WDR93: variants seen among roughly 807,000 people sequenced by gnomAD.
The protein encoded by WDR93 is WD repeat-containing protein 93.
A neutral mutation model predicts 82.9 loss-of-function variants in WDR93; 73 were observed. The ratio of observed to expected loss-of-function variants is 0.88; its 90% CI spans 0.73 to 1.07. The LOEUF is 1.07. Ranked by LOEUF, WDR93 falls within the 50% of genes least tolerant of loss-of-function variation. The probability of loss-of-function intolerance (pLI) is 0.00; values close to 1 mark genes in which losing one functional copy is unlikely to be tolerated. For synonymous variants in WDR93, 283 were observed against 300.1 expected (o/e 0.94, Z 0.59); for missense variants, 738 against 826.0 (o/e 0.89, Z 1.31).
chr15:89,703,311 C>A (rs1965564911), intron 3 of WDR93, 169 bp downstream of exon 3: 2 of 700,358 alleles, frequency 2.9e-6, no homozygotes, highest in African/African-American at 1.8e-5. Flanking sequence ...TACTGTTCTA[C>A]CATTTCACAT....
rs375335326 is a variant in WDR93, at chr15:89,729,692, G to A, written c.1133G>A (p.Cys378Tyr). The A allele has an allele frequency of 1.5e-5, 24 of 1,612,390 alleles. No homozygotes were observed. Among genetic ancestry groups the A allele is most frequent in the Non-Finnish European group, 1.9e-5 (22 of 1,179,750 alleles). The change falls in exon 11 of 17, where the codon TGT becomes TAT. Residue 378 changes from cysteine to tyrosine, a missense_variant. Coordinates refer to ENST00000268130, the MANE Select transcript of WDR93 (RefSeq NM_020212.2). ...PEVKGPSGMA[C>Y]VLGIHWTRSH... ...CCCGCCCCCCCACCAGGAATGGCCTGTGTCCTTGGTATACACTGGACCAGA... is the reference window on the plus strand; with the variant it reads ...CCCGCCCCCCCACCAGGAATGGCCTATGTCCTTGGTATACACTGGACCAGA...
Position 89,701,787 on chromosome 15 carries a change from AC to A in WDR93, c.45del (p.Ile16LeufsTer44), listed in dbSNP as rs1414962907. 6.2e-7 allele frequency: 1 copy of A among 1,613,266 alleles called. No homozygotes were observed. Among genetic ancestry groups the A allele is most frequent in the African/African-American group, 1.3e-5 (1 of 74,968 alleles). On this transcript the variant is annotated frameshift_variant, in exon 2 of 17. Transcript: ENST00000268130. LOFTEE classifies it high-confidence loss of function. ...PRGSQTQKIK[H>X]PIGTRKGPLE... ...GGAAGTCAGACCCAGAAAATAAAGC[AC>A]CCCATTGGTACACGAAAGGGACCAT... is the stretch of plus-strand genomic sequence containing the variant.
chr15:89,727,200 G>A lies in WDR93; in HGVS notation c.924G>A (p.Lys308=). Residue 308 remains lysine, a synonymous_variant, in exon 9 of 17, where the codon AAG becomes AAA. Coordinates refer to ENST00000268130, the MANE Select transcript of WDR93 (RefSeq NM_020212.2). ...KSPLEVFAKI[K]DCYGLGSGQN... ...CCCTGGAAGTCTTTGCAAAGATCAA[G>A]GACTGCTACGGACTGGGCTCCGGGC... The A allele has an allele frequency of 6.2e-7, 1 of 1,614,120 alleles. No individual in the cohort carries two copies. The highest frequency in any genetic ancestry group is 8.5e-7 in the Non-Finnish European group (1 of 1,179,986).
At chr15:89,703,496 C>CTGGA (rs1965573970) in intron 3 of WDR93, 2 of 276,328 alleles carry the variant, frequency 7.2e-6, no homozygotes, top group African/African-American at 2.2e-5. Context: ...CAGCACTCAG[C>CTGGA]AGTCCTCTCA....
At chr15:89,712,396 CTTTTTTTTTTT>C (rs1170109589) in intron 5 of WDR93, among the ~76,000 whole-genome samples, 4 of 80,534 alleles carry the variant, frequency 5.0e-5, no homozygotes, top group South Asian at 1.0e-3. Context: ...TTCCACTAAT[CTTTTTTTTTTT>C]TTTTTTTTTT....
chr15:89,726,070 G>T (rs1301321406), intron 8 of WDR93, among the ~76,000 whole-genome samples: 1 of 152,194 alleles, frequency 6.6e-6, no homozygotes, highest in African/African-American at 2.4e-5. Flanking sequence ...TTTAGTAAGT[G>T]AAAATACAAG....
intron 6 of WDR93, among the ~76,000 whole-genome samples, chr15:89,715,738 C>A (rs1966219194): frequency 6.6e-6 from 1 of 152,102 alleles, no homozygotes. Context: ...TGCACGCTGC[C>A]ATGCCAGGCT....
intron 4 of WDR93, among the ~76,000 whole-genome samples, chr15:89,710,641 T>A (rs1187239257): frequency 6.6e-6 from 1 of 152,192 alleles, no homozygotes. Context: ...CGCAACTCAT[T>A]TTATGAGACC....
chr15:89,725,408 T>C (rs1271019493), intron 8 of WDR93, among the ~76,000 whole-genome samples: 1 of 152,054 alleles, frequency 6.6e-6, no homozygotes, highest in Non-Finnish European at 1.5e-5. Context: ...AGGACGCATG[T>C]TTAGGTGATA....
chr15:89,724,644 G>A (rs1966659645), intron 8 of WDR93, among the ~76,000 whole-genome samples: 1 of 152,140 alleles, frequency 6.6e-6, no homozygotes, highest in Non-Finnish European at 1.5e-5. Context: ...TACAAAACAT[G>A]CAAGAGTATT....
At chr15:89,712,001 C>G (rs2141627274) in intron 4 of WDR93, 25 bp from the exon 5 acceptor site, 1 of 1,595,246 alleles carries the variant, frequency 6.3e-7, no homozygotes, top group East Asian at 2.2e-5. Context: ...TATGCCTACT[C>G]TATCAACATC....
intron 7 of WDR93, among the ~76,000 whole-genome samples, chr15:89,717,414 A>G (rs1426236072): frequency 1.3e-5 from 2 of 152,134 alleles, no homozygotes; most frequent in Non-Finnish European, 2.9e-5. Context: ...TGCTAATGAA[A>G]TGTTCCACCT....
intron 7 of WDR93, among the ~76,000 whole-genome samples, chr15:89,719,988 C>CG (rs1355105265): frequency 6.6e-6 from 1 of 151,436 alleles, no homozygotes; most frequent in Non-Finnish European, 1.5e-5. Context: ...TTAGTAGAGA[C>CG]GGGGTCTCAC....
intron 1 of WDR93, 146 bp downstream of exon 1, chr15:89,691,003 C>G (rs1454276762): frequency 1.1e-5 from 2 of 189,316 alleles, no homozygotes; most frequent in South Asian, 1.2e-4. Context: ...CGCCTCCCCG[C>G]AGATCTCAGG....
intron 13 of WDR93, among the ~76,000 whole-genome samples, chr15:89,733,916 T>C (rs1966947300): frequency 6.6e-6 from 1 of 152,202 alleles, no homozygotes; most frequent in Non-Finnish European, 1.5e-5. Flanking sequence ...CACAGTAAAC[T>C]TCCATCAGTT....
At chr15:89,743,133 T>C (rs1248223565) in intron 16 of WDR93, among the ~76,000 whole-genome samples, 159 bp from the exon 17 acceptor site, 1 of 152,236 alleles carries the variant, frequency 6.6e-6, no homozygotes, top group Non-Finnish European at 1.5e-5. Flanking sequence ...TCTGAGCACC[T>C]GCTGTGTACC....
chr15:89,703,256 C>A, intron 3 of WDR93, 114 bp downstream of exon 3: 1 of 1,071,396 alleles, frequency 9.3e-7, no homozygotes, highest in Non-Finnish European at 1.4e-6. Context: ...TCTCCCTGGT[C>A]ATGTAATAGT....
intron 7 of WDR93, chr15:89,721,275 G>A (rs1966513332): frequency 1.3e-5 from 2 of 151,904 alleles, no homozygotes; most frequent in African/African-American, 4.8e-5. Flanking sequence ...TGAGTTTCTT[G>A]GCCACATGTG....
rs753524261 is a variant in WDR93, at chr15:89,737,669, G to A, written c.1705G>A (p.Glu569Lys). ...TGCCCCTCCGGGAGCCTTTCCTCTG[G>A]AGGTCCCCTGGAAGCCAGTGTTTGC... ...AFAPPGAFPL[E>K]VPWKPVFAVS... The change falls in exon 15 of 17, where the codon GAG becomes AAG. Residue 569 changes from glutamate to lysine, a missense_variant. Glu to Lys is a moderately conservative substitution (Grantham distance 56). Coordinates refer to ENST00000268130, the MANE Select transcript of WDR93 (RefSeq NM_020212.2). 54 of 1,614,018 alleles carry A rather than the reference G, an allele frequency of 3.3e-5. No homozygotes were observed. Among genetic ancestry groups the A allele is most frequent in the East Asian group, 2.9e-4 (13 of 44,886 alleles).
Sources: gnomAD v4.1 joint callset for allele counts (sites outside exome capture counted in the v4.1 genomes callset) on GRCh38, gnomAD v4.1.1 for gene constraint, MANE v1.5 for transcripts, NCBI Gene and HGNC (gene_info 2026-07-23, HGNC 2026-07-21) for gene names.